The following ACOT7 variants were observed in gnomAD, a reference collection of about 807,000 sequenced individuals.
ACOT7 encodes cytosolic acyl coenzyme A thioester hydrolase.
A neutral mutation model predicts 40.2 loss-of-function variants in ACOT7; 12 were observed. The ratio of observed to expected loss-of-function variants is 0.30; its 90% CI spans 0.19 to 0.48. The LOEUF (loss-of-function observed/expected upper bound fraction) is 0.48. Ranked by LOEUF, ACOT7 falls within the 20% of genes least tolerant of loss-of-function variation. The probability of loss-of-function intolerance (pLI) is 0.99; values close to 1 mark genes in which losing one functional copy is unlikely to be tolerated. For synonymous variants in ACOT7, 228 were observed against 219.5 expected (o/e 1.04, Z -0.34); for missense variants, 395 against 530.8 (o/e 0.74, Z 2.51).
At chr1:6,281,331 G>C (rs779303400) in intron 7 of ACOT7, 45 bp from the exon 8 acceptor site, 2 of 1,563,410 alleles carry the variant, frequency 1.3e-6, no homozygotes, top group African/African-American at 1.6e-5. Context: ...TCCACCCCAC[G>C]GCTGGGCGGG....
At position 6,359,440 on chromosome 1, in the gene ACOT7, C is replaced by T. The variant is rs1230705140; in HGVS notation, c.144-9574G>A. The T allele has an allele frequency of 2.6e-5, 4 of 152,900 alleles. No individual in the cohort carries two copies. The highest frequency in any genetic ancestry group is 9.6e-5 in the African/African-American group (4 of 41,454). 9.5% of individuals were successfully genotyped at this position (152,900 alleles called of 1,614,324 possible). A position where few individuals can be genotyped will look rare whatever the true frequency, so the allele number is the denominator to read the frequency against. On this transcript the variant is annotated intron_variant, in intron 1 of 8. Coordinates refer to ENST00000361521, the MANE Select transcript of ACOT7 (RefSeq NM_007274.4). The surrounding 1 kb of genome is among the most constrained non-coding windows in gnomAD (Gnocchi z 4.1). Reference sequence around the variant, plus strand: ...TCCAGCCTCCCCTCTCCTCAGGCCACACCCCTGTCCTTCCCCACTCCCCCT... The same window carrying T: ...TCCAGCCTCCCCTCTCCTCAGGCCATACCCCTGTCCTTCCCCACTCCCCCT...
chr1:6,327,502 T>G, intron 4 of ACOT7, 89 bp from the exon 5 acceptor site: 1 of 1,109,456 alleles, frequency 9.0e-7, no homozygotes, highest in Non-Finnish European at 1.3e-6. Context: ...CTTATAGCCT[T>G]GTGTAACTGG....
intron 1 of ACOT7, chr1:6,385,760 C>A (rs531366332): frequency 1.4e-6 from 2 of 1,479,400 alleles, no homozygotes; most frequent in Non-Finnish European, 1.8e-6. Flanking sequence ...AGCAGTGAGC[C>A]GGTGTGATCC....
At chr1:6,285,762 G>A (rs917618954) in intron 7 of ACOT7, among the ~76,000 whole-genome samples, 1 of 150,492 alleles carries the variant, frequency 6.6e-6, no homozygotes, top group Non-Finnish European at 1.5e-5. Flanking sequence ...TCACACGGAG[G>A]TCAGGATGCT....
chr1:6,366,719 G>A lies in ACOT7; in HGVS notation c.144-16853C>T, dbSNP rs190352769. On this transcript the variant is annotated intron_variant, in intron 1 of 8. Coordinates refer to ENST00000361521, the MANE Select transcript of ACOT7 (RefSeq NM_007274.4). Reference sequence around the variant, plus strand: ...CAGCCAGGCTGGAGTACAGTGGCATGATCTCGGCTCACTGCAACCTCCGTC... The same window carrying A: ...CAGCCAGGCTGGAGTACAGTGGCATAATCTCGGCTCACTGCAACCTCCGTC... 3.5e-3 allele frequency among the ~76,000 whole-genome samples: 526 copies of A among 150,968 alleles called. 3 individuals carry two copies. Among genetic ancestry groups the A allele is most frequent in the African/African-American group, 0.012 (501 of 41,040 alleles).
chr1:6,375,863 G>A (rs563280134), intron 1 of ACOT7, among the ~76,000 whole-genome samples: 3 of 151,930 alleles, frequency 2.0e-5, no homozygotes, highest in Admixed American at 6.6e-5. Context: ...GCATGAACCC[G>A]GGAGGTGGAG....
chr1:6,314,001 G>A (rs557691614), intron 6 of ACOT7, among the ~76,000 whole-genome samples: 1 of 152,118 alleles, frequency 6.6e-6, no homozygotes, highest in East Asian at 1.9e-4. Context: ...TGCAAAGGCC[G>A]TCCCAGGAGA....
intron 1 of ACOT7, among the ~76,000 whole-genome samples, chr1:6,364,846 C>CAAAAA (rs770975001): frequency 5.3e-5 from 2 of 37,526 alleles, no homozygotes; most frequent in Non-Finnish European, 1.0e-4. Context: ...GACTCCATCT[C>CAAAAA]AAAAAAAAAA....
Position 6,335,479 on chromosome 1 carries a change from C to T in ACOT7, c.419-1911G>A, listed in dbSNP as rs967706259. On this transcript the variant is annotated intron_variant, in intron 3 of 8. Coordinates refer to ENST00000361521, the MANE Select transcript of ACOT7 (RefSeq NM_007274.4). ...CTGCACTCCAGCCTGGGCGACAGAG[C>T]GAGGCCCTGTCTTAAAAAAATAAAT... Among the ~76,000 whole-genome samples, 13 of 152,116 alleles carry T rather than the reference C, an allele frequency of 8.5e-5. No homozygotes were observed. The East Asian group carries it at 1.7e-3, about 20-fold the overall frequency.
chr1:6,304,199 C>T (rs1640050857), intron 6 of ACOT7, among the ~76,000 whole-genome samples: 1 of 151,778 alleles, frequency 6.6e-6, no homozygotes, highest in Non-Finnish European at 1.5e-5. Flanking sequence ...GGGGACGCTC[C>T]TTTTGAAGGG....
At chr1:6,295,052 T>G (rs1376930770) in intron 6 of ACOT7, 72 bp from the exon 7 acceptor site, 16 of 1,258,342 alleles carry the variant, frequency 1.3e-5, no homozygotes, top group Non-Finnish European at 1.6e-5. Flanking sequence ...TGGAAACAAG[T>G]TACAACTCGA....
intron 8 of ACOT7, among the ~76,000 whole-genome samples, chr1:6,270,504 G>A (rs1272506413): frequency 6.6e-6 from 1 of 152,220 alleles, no homozygotes; most frequent in African/African-American, 2.4e-5. Flanking sequence ...GAGAAAGGAT[G>A]AGGTGGCAAA....
At chr1:6,333,688 G>A in intron 3 of ACOT7, 120 bp from the exon 4 acceptor site, 2 of 934,068 alleles carry the variant, frequency 2.1e-6, no homozygotes, top group Admixed American at 2.1e-5. Flanking sequence ...ACACCACAGT[G>A]TGCACCACCT....
Position 6,329,746 on chromosome 1 carries a change from G to C in ACOT7, c.511-2333C>G, listed in dbSNP as rs559576623. ...CCCAACTGATCTGAAGCAGCAGACA[G>C]CGTGGCCCAAATATCTGAGAGACAG... On this transcript the variant is annotated intron_variant, in intron 4 of 8. Transcript: ENST00000361521. Among the ~76,000 whole-genome samples, 4 of 152,070 alleles carry C rather than the reference G, an allele frequency of 2.6e-5. No homozygotes were observed. In the East Asian group the frequency reaches 7.7e-4, roughly 29 times the overall value.
At chr1:6,365,607 A>G (rs1641989815) in intron 1 of ACOT7, among the ~76,000 whole-genome samples, 1 of 151,826 alleles carries the variant, frequency 6.6e-6, no homozygotes, top group African/African-American at 2.4e-5. Context: ...ATCTCTACTA[A>G]AAAACAAAAA....
intron 2 of ACOT7, among the ~76,000 whole-genome samples, chr1:6,343,585 A>C (rs1328681085): frequency 6.6e-6 from 1 of 152,268 alleles, no homozygotes; most frequent in Non-Finnish European, 1.5e-5. Context: ...TTTCACCCCC[A>C]AGTCAATGTA....
At chr1:6,279,913 T>C (rs532797295) in intron 8 of ACOT7, among the ~76,000 whole-genome samples, 4 of 152,164 alleles carry the variant, frequency 2.6e-5, no homozygotes, top group Non-Finnish European at 4.4e-5. Context: ...TCCTCAGCCA[T>C]GTGGGGAAGC....
Position 6,281,174 on chromosome 1 carries a change from C to T in ACOT7, c.942G>A (p.Arg314=), listed in dbSNP as rs757434983. ...CGTAGGTGAAGAAGGCACTGGCGGC[C>T]CGGTAGCGCTTCTGAGAGCTGTCCA... is the stretch of plus-strand genomic sequence containing the variant. ...PVVDSSQKRY[R]AASAFFTYVS... Residue 314 remains arginine (R), a synonymous_variant, in exon 8 of 9, where the codon CGG becomes CGA. Transcript: ENST00000361521. The T allele has an allele frequency of 6.2e-7, 1 of 1,614,140 alleles. No individual in the cohort carries two copies. Among genetic ancestry groups the T allele is most frequent in the Non-Finnish European group, 8.5e-7 (1 of 1,180,048 alleles).
In ACOT7 at chr1:6,330,877, T is replaced by A. The variant is rs1640935542; in HGVS notation, c.510+2600A>T. Among the ~76,000 whole-genome samples, 1 of 152,206 alleles carries A rather than the reference T, an allele frequency of 6.6e-6. No homozygotes were observed. The highest frequency in any genetic ancestry group is 1.5e-5 in the Non-Finnish European group (1 of 68,024). On this transcript the variant is annotated intron_variant, in intron 4 of 8. Transcript: ENST00000361521. The surrounding 1 kb of genome is among the most constrained non-coding windows in gnomAD (Gnocchi z 4.6). ...CACCATCAGATGCTGAAGCCAGGCA[T>A]GGGGCCTGGGAGAGATTTCAGAACT... is the stretch of plus-strand genomic sequence containing the variant.
Sources: allele counts gnomAD v4.1 joint callset (sites outside exome capture counted in the v4.1 genomes callset), GRCh38; gene constraint gnomAD v4.1.1; non-coding constraint Gnocchi (gnomAD v3.1); transcripts MANE v1.5; gene names NCBI Gene and HGNC (gene_info 2026-07-23, HGNC 2026-07-21).